LRRC1: variants seen among roughly 807,000 people sequenced by gnomAD.
LRRC1 encodes leucine rich repeat containing 1, also known as leucine-rich repeat-containing protein 1.
LRRC1 carries 28 observed loss-of-function variants against 69.9 expected under a neutral mutation model. That is an observed-to-expected ratio of 0.40 (90% CI 0.30 to 0.55). The LOEUF (loss-of-function observed/expected upper bound fraction) is 0.55, where lower values mean the gene tolerates loss of function less well. Among genes scored for constraint, LRRC1 ranks in the 20% least tolerant of loss-of-function variants. LRRC1 has a pLI of 0.47. For synonymous variants in LRRC1, 236 were observed against 240.2 expected, an observed-to-expected ratio of 0.98 and a Z score of 0.16; for missense variants, 498 against 609.0, an observed-to-expected ratio of 0.82 and a Z score of 1.92.
chr6:53,865,470 A>G (rs1216702048), intron 2 of LRRC1, among the ~76,000 whole-genome samples: 2 of 152,158 alleles, frequency 1.3e-5, no homozygotes, highest in Non-Finnish European at 2.9e-5. Flanking sequence ...TTTGATATCT[A>G]CATGCAATTG....
intron 4 of LRRC1, 36 bp downstream of exon 4, chr6:53,883,012 G>A: frequency 7.5e-7 from 1 of 1,337,350 alleles, no homozygotes; most frequent in Non-Finnish European, 1.1e-6. Flanking sequence ...GGATCAGGGT[G>A]AAAGGGGGTT....
intron 4 of LRRC1, among the ~76,000 whole-genome samples, chr6:53,883,178 G>A (rs1767357607): frequency 6.6e-6 from 1 of 152,108 alleles, no homozygotes; most frequent in African/African-American, 2.4e-5. Flanking sequence ...GGTTAAAAAG[G>A]GTACTGCTAC....
At chr6:53,817,184 C>A (rs772728000) in intron 1 of LRRC1, among the ~76,000 whole-genome samples, 86 of 152,148 alleles carry the variant, frequency 5.7e-4, no homozygotes, top group Non-Finnish European at 1.1e-3. Flanking sequence ...CTGGGGCATC[C>A]TTCACCCAAG....
intron 1 of LRRC1, among the ~76,000 whole-genome samples, chr6:53,797,614 T>C (rs1764340484): frequency 6.6e-6 from 1 of 152,198 alleles, no homozygotes; most frequent in East Asian, 1.9e-4. Flanking sequence ...GTCCTTATTT[T>C]GGTGGCCATA....
At chr6:53,863,242 T>C (rs1766588898) in intron 2 of LRRC1, among the ~76,000 whole-genome samples, 1 of 152,202 alleles carries the variant, frequency 6.6e-6, no homozygotes, top group Admixed American at 6.5e-5. Flanking sequence ...CCTGTGGCCC[T>C]TCCTCCCTGC....
intron 1 of LRRC1, among the ~76,000 whole-genome samples, chr6:53,830,356 G>C (rs1344532497): frequency 6.6e-6 from 1 of 152,234 alleles, no homozygotes; most frequent in African/African-American, 2.4e-5. Context: ...CAGGACATAG[G>C]AGTTGAGTAG....
At chr6:53,862,221 C>A (rs1478835538) in intron 2 of LRRC1, among the ~76,000 whole-genome samples, 2 of 151,724 alleles carry the variant, frequency 1.3e-5, no homozygotes, top group African/African-American at 4.8e-5. Context: ...CAGATGAATA[C>A]AACTTTTTTC....
At chr6:53,918,017 A>G (rs189752860) in intron 11 of LRRC1, among the ~76,000 whole-genome samples, 63 of 152,364 alleles carry the variant, frequency 4.1e-4, no homozygotes, top group African/African-American at 1.4e-3. Context: ...TCCCAGAGGA[A>G]AAAGAAATGG....
chr6:53,907,902 T>C (rs1044539251), intron 10 of LRRC1, among the ~76,000 whole-genome samples: 5 of 152,226 alleles, frequency 3.3e-5, no homozygotes, highest in Non-Finnish European at 7.3e-5. Context: ...CTGTTTTCAC[T>C]AAATTGTAAG....
intron 2 of LRRC1, among the ~76,000 whole-genome samples, chr6:53,847,888 AC>A (rs1765998605): frequency 6.6e-6 from 1 of 152,138 alleles, no homozygotes; most frequent in Non-Finnish European, 1.5e-5. Flanking sequence ...TGAACAATTA[AC>A]CTTTTTTGTT....
In LRRC1 at chr6:53,855,416, C is replaced by T. The variant is rs1215463608; in HGVS notation, c.277+13189C>T. Reference sequence around the variant, plus strand: ...AAACTGGAAGGTTGAGTGCCAGTAACTCAACACAGGCCCAACACAAAAGGT... The same window carrying T: ...AAACTGGAAGGTTGAGTGCCAGTAATTCAACACAGGCCCAACACAAAAGGT... On this transcript the variant is annotated intron_variant, in intron 2 of 13. Coordinates refer to ENST00000370888, the MANE Select transcript of LRRC1 (RefSeq NM_018214.5). Among the ~76,000 whole-genome samples the T allele has an allele frequency of 2.0e-5, 3 of 152,202 alleles. No homozygotes were observed. In the East Asian group the frequency reaches 5.8e-4, roughly 29 times the overall value.
chr6:53,840,168 G>T (rs1049915876), intron 1 of LRRC1, among the ~76,000 whole-genome samples: 1 of 152,136 alleles, frequency 6.6e-6, no homozygotes, highest in African/African-American at 2.4e-5. Context: ...CCTGAGAAAG[G>T]TGCAAGGAAA....
chr6:53,891,064 A>G lies in LRRC1; in HGVS notation c.447-5434A>G, dbSNP rs141815294. On this transcript the variant is annotated intron_variant, in intron 4 of 13. Coordinates refer to ENST00000370888, the MANE Select transcript of LRRC1 (RefSeq NM_018214.5). Reference sequence around the variant, plus strand: ...AATCCTAAAAATACAGTTGGCCTACATTCTGACTTACAAAAGAGTGCAACT... The same window carrying G: ...AATCCTAAAAATACAGTTGGCCTACGTTCTGACTTACAAAAGAGTGCAACT... Among the ~76,000 whole-genome samples, 333 of 152,364 alleles carry G rather than the reference A, an allele frequency of 2.2e-3. 2 individuals are homozygous for G. The highest frequency in any genetic ancestry group is 7.6e-3 in the African/African-American group (317 of 41,592).
At chr6:53,844,053 A>G (rs1765866413) in intron 2 of LRRC1, among the ~76,000 whole-genome samples, 2 of 152,104 alleles carry the variant, frequency 1.3e-5, no homozygotes, top group South Asian at 4.1e-4. Context: ...GCCCCTCAGC[A>G]CAGAAGTTGT....
chr6:53,889,201 G>A (rs761744483), intron 4 of LRRC1, among the ~76,000 whole-genome samples: 3 of 152,064 alleles, frequency 2.0e-5, no homozygotes, highest in Non-Finnish European at 4.4e-5. Context: ...AAAGATAAAT[G>A]CTAACAAGTG....
intron 1 of LRRC1, among the ~76,000 whole-genome samples, chr6:53,802,206 A>G (rs536587662): frequency 6.6e-6 from 1 of 152,286 alleles, no homozygotes; most frequent in Non-Finnish European, 1.5e-5. Context: ...GCAGAGGTGA[A>G]GTATGGAAAG....
chr6:53,860,663 C>G (rs977528021), intron 2 of LRRC1, among the ~76,000 whole-genome samples: 1 of 152,114 alleles, frequency 6.6e-6, no homozygotes, highest in African/African-American at 2.4e-5. Context: ...TCATCCATTT[C>G]CCACCACCTC....
chr6:53,831,472 A>G (rs1765426066), intron 1 of LRRC1, among the ~76,000 whole-genome samples: 2 of 152,186 alleles, frequency 1.3e-5, no homozygotes, highest in Admixed American at 1.3e-4. Flanking sequence ...ATATAGCAAT[A>G]TCATGGTTAC....
Position 53,919,229 on chromosome 6 carries a change from C to CTTTTT in LRRC1, c.1107-247_1107-243dup, listed in dbSNP as rs879406589. 13 of 72,272 alleles carry CTTTTT rather than the reference C, an allele frequency of 1.8e-4. 1 individual carries two copies. The South Asian group carries it at 2.5e-3, about 14-fold the overall frequency. The allele number at this position is 72,272 out of a possible 1,614,324, so 4.5% of individuals were successfully genotyped here. A position where few individuals can be genotyped will look rare whatever the true frequency, so the allele number is the denominator to read the frequency against. On this transcript the variant is annotated intron_variant, in intron 11 of 13. Coordinates refer to ENST00000370888, the MANE Select transcript of LRRC1 (RefSeq NM_018214.5). ...AAATGTGTCCTGTAATTTTCTCTCTCTTTTTTTTTTTTTTTTTTTTTTTTT... is the reference window on the plus strand; with the variant it reads ...AAATGTGTCCTGTAATTTTCTCTCTCTTTTTTTTTTTTTTTTTTTTTTTTTTTTTT...
Sources: gnomAD v4.1 joint callset for allele counts (sites outside exome capture counted in the v4.1 genomes callset) on GRCh38, gnomAD v4.1.1 for gene constraint, MANE v1.5 for transcripts, NCBI Gene and HGNC (gene_info 2026-07-23, HGNC 2026-07-21) for gene names.